APMAP: variants seen among roughly 807,000 people sequenced by gnomAD.
The protein encoded by APMAP is adipocyte plasma membrane associated protein.
Under a neutral mutation model 43.6 loss-of-function variants are expected in APMAP, and 33 were observed. That is an observed-to-expected ratio of 0.76 (90% CI 0.57 to 1.01). The LOEUF (loss-of-function observed/expected upper bound fraction) is 1.01, where lower values mean the gene tolerates loss of function less well. Ranked by LOEUF, APMAP falls within the 50% of genes least tolerant of loss-of-function variation. APMAP has a pLI of 0.00. For missense variants in APMAP, 498 were observed against 540.7 expected (o/e 0.92, Z 0.78); for synonymous variants, 224 against 216.7 (o/e 1.03, Z -0.30).
chr20:24,967,633 C>CAT (rs1242515129), intron 8 of APMAP, among the ~76,000 whole-genome samples: 1 of 152,226 alleles, frequency 6.6e-6, no homozygotes, highest in African/African-American at 2.4e-5. Flanking sequence ...ACGCTAAGGG[C>CAT]ACTATGTGCA....
At chr20:24,985,882 G>C (rs140713964) in intron 1 of APMAP, among the ~76,000 whole-genome samples, 1 of 152,316 alleles carries the variant, frequency 6.6e-6, no homozygotes, top group East Asian at 1.9e-4. Context: ...GAACACTGCT[G>C]GCACTGCTGG....
intron 8 of APMAP, among the ~76,000 whole-genome samples, chr20:24,967,015 C>T (rs1246588206): frequency 1.3e-5 from 2 of 152,138 alleles, no homozygotes; most frequent in Non-Finnish European, 2.9e-5. Flanking sequence ...AAAATCAGGC[C>T]GGGCATGGTG....
chr20:24,964,066 G>GAACA, intron 8 of APMAP, 44 bp from the exon 9 acceptor site: 2 of 1,595,174 alleles, frequency 1.3e-6, no homozygotes, highest in Non-Finnish European at 1.7e-6. Context: ...AGCTGGCCAA[G>GAACA]AACACTGTGC....
At chr20:24,978,709 GC>G (rs1330507217) in intron 3 of APMAP, 57 bp downstream of exon 3, 5 of 1,149,040 alleles carry the variant, frequency 4.4e-6, no homozygotes, top group East Asian at 2.9e-5. Flanking sequence ...CACAGAACCC[GC>G]CCCCTCAGAC....
At chr20:24,972,526 C>A (rs2122497510) in intron 4 of APMAP, among the ~76,000 whole-genome samples, 1 of 146,764 alleles carries the variant, frequency 6.8e-6, no homozygotes, top group South Asian at 2.2e-4. Context: ...GTGTTCACTG[C>A]AGATGCTTAT....
intron 3 of APMAP, among the ~76,000 whole-genome samples, chr20:24,974,465 T>C (rs1254229092): frequency 6.6e-6 from 1 of 152,072 alleles, no homozygotes; most frequent in Non-Finnish European, 1.5e-5. Context: ...TAGAAAACAG[T>C]AACAAATACG....
chr20:24,989,829 C>A (rs567900785), intron 1 of APMAP, among the ~76,000 whole-genome samples: 2 of 152,226 alleles, frequency 1.3e-5, no homozygotes, highest in Admixed American at 1.3e-4. Context: ...CTCATGAATT[C>A]GTGAATGCCC....
chr20:24,992,557 G>C, intron 1 of APMAP, 37 bp downstream of exon 1: 1 of 1,451,166 alleles, frequency 6.9e-7, no homozygotes, highest in Non-Finnish European at 9.2e-7. Flanking sequence ...ACTCCTAGCG[G>C]CCCGGCTCCA....
chr20:24,976,667 C>A (rs2088052470), intron 3 of APMAP, among the ~76,000 whole-genome samples: 1 of 152,190 alleles, frequency 6.6e-6, no homozygotes, highest in African/African-American at 2.4e-5. Context: ...TACAATCCAG[C>A]AATTATGCTT....
intron 3 of APMAP, chr20:24,974,324 A>T (rs1246399232): frequency 6.6e-6 from 1 of 152,202 alleles, no homozygotes; most frequent in Non-Finnish European, 1.5e-5. Context: ...ACAAAAAGTA[A>T]AAAAAAGAAG....
At chr20:24,983,430 G>A (rs979624703) in intron 2 of APMAP, among the ~76,000 whole-genome samples, 1 of 152,124 alleles carries the variant, frequency 6.6e-6, no homozygotes, top group African/African-American at 2.4e-5. Context: ...TCTATTTCAG[G>A]GGGCTTTACA....
At chr20:24,979,014 AG>A (rs1481667323) in intron 2 of APMAP, 132 bp from the exon 3 acceptor site, 1 of 669,976 alleles carries the variant, frequency 1.5e-6, no homozygotes, top group Non-Finnish European at 2.6e-6. Flanking sequence ...CAGAAATACA[AG>A]GGTTAAGAAA....
In APMAP at chr20:24,970,256, G is replaced by C; in HGVS notation, c.654C>G (p.Ser218Arg). 6.2e-7 allele frequency: 1 copy of C among 1,614,094 alleles called. No individual in the cohort carries two copies. Among genetic ancestry groups the C allele is most frequent in the Non-Finnish European group, 8.5e-7 (1 of 1,180,036 alleles). ...DGRKIYFTDS[S>R]SKWQRRDYLL... ...GGTAGTCTCGTCTTTGCCATTTGCTGCTAGAATCGGTGAAATAAATCTTCC... is the reference window on the plus strand; with the variant it reads ...GGTAGTCTCGTCTTTGCCATTTGCTCCTAGAATCGGTGAAATAAATCTTCC... Residue 218 changes from serine to arginine, a missense_variant, in exon 6 of 9, where the codon AGC becomes AGG. Coordinates refer to ENST00000217456, the MANE Select transcript of APMAP (RefSeq NM_020531.3).
chr20:24,990,193 C>G (rs886278655), intron 1 of APMAP, among the ~76,000 whole-genome samples: 1 of 152,154 alleles, frequency 6.6e-6, no homozygotes, highest in Non-Finnish European at 1.5e-5. Flanking sequence ...CATCTATGTT[C>G]CACACTGAAT....
chr20:24,971,445 G>A lies in APMAP; in HGVS notation c.538+15C>T, dbSNP rs765909284. On this transcript the variant is annotated intron_variant, in intron 5 of 8. Transcript: ENST00000217456. ...CTAAAATCTTCATAGAAGGAAACGA[G>A]ATATTGTCACATACGTTTCCAGGGA... is the stretch of plus-strand genomic sequence containing the variant. 24 of 1,593,734 alleles carry A rather than the reference G, an allele frequency of 1.5e-5. No individual in the cohort carries two copies. The highest frequency in any genetic ancestry group is 1.7e-4 in the Middle Eastern group (1 of 6,004).
Position 24,990,968 on chromosome 20 carries a change from G to A in APMAP, c.95+1626C>T, listed in dbSNP as rs2088186953. Among the ~76,000 whole-genome samples the A allele has an allele frequency of 2.0e-5, 3 of 152,136 alleles. No individual in the cohort carries two copies. In the South Asian group the frequency reaches 6.2e-4, roughly 31 times the overall value. On this transcript the variant is annotated intron_variant, in intron 1 of 8. Transcript: ENST00000217456. The stretch of plus-strand genomic sequence containing the variant: ...AAATAAGTAAACATAAATGTAAAAG[G>A]CACACTGGAAAAGATCAGGCAGTAA...
At chr20:24,984,119 C>T (rs952847426) in intron 1 of APMAP, 100 bp from the exon 2 acceptor site, 11 of 859,178 alleles carry the variant, frequency 1.3e-5, no homozygotes, top group Non-Finnish European at 2.0e-5. Context: ...GGACGCTCAT[C>T]CAGTTTCCCC....
At chr20:24,976,196 A>G (rs898797292) in intron 3 of APMAP, among the ~76,000 whole-genome samples, 3 of 152,266 alleles carry the variant, frequency 2.0e-5, no homozygotes, top group Non-Finnish European at 2.9e-5. Flanking sequence ...ATAATTAATA[A>G]GTGAAACTTC....
chr20:24,965,607 G>A (rs938670526), intron 8 of APMAP, among the ~76,000 whole-genome samples: 3 of 152,218 alleles, frequency 2.0e-5, no homozygotes, highest in Admixed American at 6.5e-5. Flanking sequence ...ATCAGGCTGT[G>A]AGAGCCCATG....
Sources: gnomAD v4.1 joint callset for allele counts (sites outside exome capture counted in the v4.1 genomes callset) on GRCh38, gnomAD v4.1.1 for gene constraint, MANE v1.5 for transcripts, NCBI Gene and HGNC (gene_info 2026-07-23, HGNC 2026-07-21) for gene names.